Variants in SYNE1 observed in about 807,000 individuals in gnomAD.
SYNE1 encodes nesprin-1.
SYNE1 carries 616 observed loss-of-function variants against 1,111.0 expected under a neutral mutation model. The ratio of observed to expected loss-of-function variants is 0.55; its 90% CI spans 0.52 to 0.59. The LOEUF (loss-of-function observed/expected upper bound fraction) is 0.59. Among genes scored for constraint, SYNE1 ranks in the 20% least tolerant of loss-of-function variants. The pLI is 0.00. For synonymous variants in SYNE1, 3,855 were observed against 3,825.8 expected (o/e 1.01, Z -0.28); for missense variants, 10,006 against 10,417.0 (o/e 0.96, Z 1.72).
chr6:152,549,891 A>G (rs754355737), intron 3 of SYNE1, among the ~76,000 whole-genome samples: 1 of 152,220 alleles, frequency 6.6e-6, no homozygotes, highest in African/African-American at 2.4e-5. Flanking sequence ...CATTAAAGTT[A>G]TATTTGCAAA....
At chr6:152,199,990 C>T (rs943568785) in intron 127 of SYNE1, among the ~76,000 whole-genome samples, 2 of 152,202 alleles carry the variant, frequency 1.3e-5, no homozygotes, top group African/African-American at 2.4e-5. Flanking sequence ...ATTAAATATG[C>T]AACATTTCTT....
chr6:152,146,024 C>CAAAAAAAAAAAAAAAA lies in SYNE1; in HGVS notation c.24976+2005_24976+2020dup, dbSNP rs57218606. Reference sequence around the variant, plus strand: ...TGGGCAACAGAACTAGACTTCGTCTCAAAAAAAAAAAAAAAAAAAAAAAAA... The same window carrying CAAAAAAAAAAAAAAAA: ...TGGGCAACAGAACTAGACTTCGTCTCAAAAAAAAAAAAAAAAAAAAAAAAAAAAAAAAAAAAAAAAA... On this transcript the variant is annotated intron_variant, in intron 137 of 145. Transcript: ENST00000367255. 1.2e-4 allele frequency: 6 copies of CAAAAAAAAAAAAAAAA among 49,664 alleles called. 1 individual carries two copies. The highest frequency in any genetic ancestry group is 1.6e-4 in the African/African-American group (2 of 12,160). The allele number at this position is 49,664 out of a possible 1,614,324, so 3.1% of individuals were successfully genotyped here. A position where few individuals can be genotyped will look rare whatever the true frequency, so the allele number is the denominator to read the frequency against.
rs794727986 is a variant in SYNE1, at chr6:152,293,989, GCAAAT to G, written c.17816_17820del (p.Asp5939AlafsTer13). 11 of 1,614,092 alleles carry G rather than the reference GCAAAT, an allele frequency of 6.8e-6. No individual in the cohort carries two copies. Among genetic ancestry groups the G allele is most frequent in the Non-Finnish European group, 9.3e-6 (11 of 1,180,016 alleles). ...TTCTTTAAGGTTTCCCAAGAACGCTGCAAATCACCCAGTTTGGCAGTAGCGGATGG... is the reference window on the plus strand; with the variant it reads ...TTCTTTAAGGTTTCCCAAGAACGCTGCACCCAGTTTGGCAGTAGCGGATGG... On this transcript the variant is annotated frameshift_variant, in exon 94 of 146. Coordinates refer to ENST00000367255, the MANE Select transcript of SYNE1 (RefSeq NM_182961.4). LOFTEE classifies it high-confidence loss of function.
chr6:152,536,345 CTA>C lies in SYNE1; in HGVS notation c.129+3613_129+3614del, dbSNP rs975716392. Among the ~76,000 whole-genome samples, 6 of 113,762 alleles carry C rather than the reference CTA, an allele frequency of 5.3e-5. No homozygotes were observed. The East Asian group carries it at 1.4e-3, about 26-fold the overall frequency. The allele number at this position is 113,762 out of a possible 152,430, so 74.6% of individuals were successfully genotyped here. On this transcript the variant is annotated intron_variant, in intron 4 of 145. Transcript: ENST00000367255. ...TATATATAGTAATATATATATATAA[CTA>C]TATATATAGTATACTAATATATATA...
chr6:152,402,805 G>A (rs147827309), intron 46 of SYNE1: 3 of 152,742 alleles, frequency 2.0e-5, no homozygotes, highest in Admixed American at 6.5e-5. Context: ...AAGGAAGAAA[G>A]AGAAGACTAG....
intron 29 of SYNE1, among the ~76,000 whole-genome samples, chr6:152,445,712 C>T (rs569082625): frequency 3.8e-4 from 57 of 151,298 alleles, no homozygotes; most frequent in African/African-American, 1.3e-3. Flanking sequence ...TGCATCCACC[C>T]ACAGTCTTTT....
chr6:152,223,032 G>T (rs1256699619), intron 117 of SYNE1, among the ~76,000 whole-genome samples: 3 of 152,152 alleles, frequency 2.0e-5, no homozygotes, highest in Non-Finnish European at 2.9e-5. Flanking sequence ...GGTGAAGTAG[G>T]CTACAAAAAT....
intron 137 of SYNE1, 172 bp downstream of exon 137, chr6:152,147,873 C>T: frequency 1.5e-6 from 1 of 657,340 alleles, no homozygotes; most frequent in Non-Finnish European, 2.6e-6. Flanking sequence ...TCAACGGCCA[C>T]ACCAAATTTT....
At chr6:152,340,539 C>A (rs751591622) in intron 74 of SYNE1, among the ~76,000 whole-genome samples, 1 of 152,206 alleles carries the variant, frequency 6.6e-6, no homozygotes, top group Non-Finnish European at 1.5e-5. Flanking sequence ...CAACCAACAA[C>A]GTGTTCAGAC....
chr6:152,140,571 G>A (rs60263503), intron 139 of SYNE1, among the ~76,000 whole-genome samples: 5,296 of 152,208 alleles, frequency 0.035, 211 homozygotes, highest in African/African-American at 0.098. Context: ...GGTAGTGCGC[G>A]CCTGTAATCC....
Position 152,231,446 on chromosome 6 carries a change from T to A in SYNE1, c.20984A>T (p.Gln6995Leu). 6.2e-7 allele frequency: 1 copy of A among 1,614,178 alleles called. No homozygotes were observed. The highest frequency in any genetic ancestry group is 8.5e-7 in the Non-Finnish European group (1 of 1,180,040). Residue 6995 changes from glutamine (Q) to leucine (L), a missense_variant, in exon 114 of 146, where the codon CAA becomes CTA. Physicochemically the swap from Gln to Leu is moderately radical, Grantham distance 113. Around this residue, in one of 7 missense-constraint regions of SYNE1, gnomAD observed 2,182 missense variants for 2,287.8 expected, o/e 0.95. Coordinates refer to ENST00000367255, the MANE Select transcript of SYNE1 (RefSeq NM_182961.4). ...CCAACTTTTATTCATTGCTCCAAGTTGCTCAGCAAAATCAGTCTTATCACT... is the reference window on the plus strand; with the variant it reads ...CCAACTTTTATTCATTGCTCCAAGTAGCTCAGCAAAATCAGTCTTATCACT... ...KRSDKTDFAE[Q>L]LGAMNKSWQI...
intron 49 of SYNE1, 136 bp from the exon 50 acceptor site, chr6:152,397,116 A>G (rs2097745183): frequency 1.2e-6 from 1 of 827,780 alleles, no homozygotes; most frequent in Non-Finnish European, 2.0e-6. Flanking sequence ...TGATGCATAC[A>G]ATTGGGCACA....
chr6:152,448,312 G>A (rs2098610442), intron 28 of SYNE1, among the ~76,000 whole-genome samples: 1 of 152,190 alleles, frequency 6.6e-6, no homozygotes, highest in Admixed American at 6.5e-5. Flanking sequence ...CCCTACAGCA[G>A]TTCTGGGGTG....
At chr6:152,342,393 A>C (rs1275034781) in intron 74 of SYNE1, among the ~76,000 whole-genome samples, 1 of 152,244 alleles carries the variant, frequency 6.6e-6, no homozygotes, top group Admixed American at 6.5e-5. Context: ...AGTCTAATAA[A>C]AAAGTAGAAT....
chr6:152,146,431 T>C (rs1563006684), intron 137 of SYNE1: 1 of 152,214 alleles, frequency 6.6e-6, no homozygotes, highest in Non-Finnish European at 1.5e-5. Context: ...TACTAAGTCT[T>C]TGAAATTCAT....
At chr6:152,550,833 C>G (rs2099342892) in intron 3 of SYNE1, among the ~76,000 whole-genome samples, 1 of 151,984 alleles carries the variant, frequency 6.6e-6, no homozygotes, top group South Asian at 2.1e-4. Context: ...TTTCTAAAAT[C>G]CAAAAGATTC....
chr6:152,536,373 TAGTA>T (rs1198760030), intron 4 of SYNE1, among the ~76,000 whole-genome samples: 1 of 128,852 alleles, frequency 7.8e-6, no homozygotes, highest in East Asian at 2.3e-4. Flanking sequence ...AATATATATA[TAGTA>T]ATATATATAT....
At position 152,359,467 on chromosome 6, in the gene SYNE1, C is replaced by T. The variant is rs774122020; in HGVS notation, c.10300-9G>A. 1.4e-5 allele frequency: 23 copies of T among 1,614,090 alleles called. No individual in the cohort carries two copies. Among genetic ancestry groups the T allele is most frequent in the Non-Finnish European group, 1.9e-5 (22 of 1,179,996 alleles). ...ACTTCTTCATTTAATAACTAGAGAG[C>T]ATTTAAGAAAAATAAAGTGGCCATT... On this transcript the variant is annotated splice_polypyrimidine_tract_variant and intron_variant, in intron 64 of 145. Transcript: ENST00000367255.
intron 3 of SYNE1, among the ~76,000 whole-genome samples, chr6:152,567,881 T>C (rs1478440442): frequency 6.6e-6 from 1 of 152,146 alleles, no homozygotes; most frequent in Non-Finnish European, 1.5e-5. Flanking sequence ...ATTAAAGCAA[T>C]GTGGTAACAG....
Sources: allele counts gnomAD v4.1 joint callset (sites outside exome capture counted in the v4.1 genomes callset), GRCh38; gene constraint gnomAD v4.1.1; regional missense constraint gnomAD v4.1.1; transcripts MANE v1.5; gene names NCBI Gene and HGNC (gene_info 2026-07-23, HGNC 2026-07-21).